Variants in MAGI2 observed in about 807,000 individuals in gnomAD.
MAGI2 encodes the protein membrane associated guanylate kinase, WW and PDZ domain containing 2.
In MAGI2, 35 loss-of-function variants were observed where a neutral mutation model predicts 133.3. The observed-to-expected ratio is 0.26, with a 90% CI of 0.20 to 0.35. The LOEUF is 0.35. Among genes scored for constraint, MAGI2 ranks in the 10% least tolerant of loss-of-function variants. The pLI is 1.00. For synonymous variants in MAGI2, 729 were observed against 710.6 expected, an observed-to-expected ratio of 1.03 and a Z score of -0.41; for missense variants, 1,636 against 1,863.4, an observed-to-expected ratio of 0.88 and a Z score of 2.25.
At chr7:79,199,441 T>C (rs918281693) in intron 1 of MAGI2, among the ~76,000 whole-genome samples, 8 of 152,026 alleles carry the variant, frequency 5.3e-5, no homozygotes, top group African/African-American at 1.9e-4. Flanking sequence ...GTAGTTCTTT[T>C]AGCATCCCTA....
intron 1 of MAGI2, among the ~76,000 whole-genome samples, chr7:79,384,466 C>G (rs988770208): frequency 6.6e-6 from 1 of 150,938 alleles, no homozygotes; most frequent in Non-Finnish European, 1.5e-5. Flanking sequence ...AGTCAAATAA[C>G]TTAGATCATT....
At chr7:78,519,040 GA>G (rs1472051065) in intron 4 of MAGI2, 2 of 151,324 alleles carry the variant, frequency 1.3e-5, no homozygotes, top group African/African-American at 2.4e-5. Flanking sequence ...ACCTGGCTAG[GA>G]ACATGTTTCT....
chr7:78,546,146 T>G (rs1226399185), intron 3 of MAGI2, among the ~76,000 whole-genome samples: 1 of 152,208 alleles, frequency 6.6e-6, no homozygotes, highest in Non-Finnish European at 1.5e-5. Flanking sequence ...ATTTTAATAA[T>G]TTTTGGCTTT....
intron 1 of MAGI2, among the ~76,000 whole-genome samples, chr7:79,212,344 A>T (rs1189820067): frequency 7.9e-5 from 12 of 152,026 alleles, no homozygotes. Flanking sequence ...TGCCAGCATG[A>T]TTTCAGGTAA....
intron 6 of MAGI2, among the ~76,000 whole-genome samples, chr7:78,401,867 G>C (rs80181213): frequency 0.01 from 1,577 of 152,172 alleles, 24 homozygotes; most frequent in African/African-American, 0.036. Context: ...TGAGTAAGCA[G>C]TTACAACATT....
chr7:78,308,392 T>G (rs1260564683), intron 9 of MAGI2, among the ~76,000 whole-genome samples: 1 of 152,244 alleles, frequency 6.6e-6, no homozygotes, highest in Non-Finnish European at 1.5e-5. Flanking sequence ...TATCCCCTTT[T>G]CTGTTCTATT....
At chr7:78,194,648 T>C (rs1828552674) in intron 12 of MAGI2, among the ~76,000 whole-genome samples, 1 of 151,894 alleles carries the variant, frequency 6.6e-6, no homozygotes, top group South Asian at 2.1e-4. Context: ...CTTCAGGAGA[T>C]TAGGGGAAGA....
intron 2 of MAGI2, among the ~76,000 whole-genome samples, chr7:78,835,897 C>T (rs1176964001): frequency 1.3e-5 from 2 of 152,228 alleles, no homozygotes; most frequent in Non-Finnish European, 2.9e-5. Context: ...TTATGTTGGC[C>T]GTGGGTCAGC....
rs1045737401 is a variant in MAGI2, at chr7:78,080,873, A to G, written c.3568-1788T>C. 2.6e-5 allele frequency among the ~76,000 whole-genome samples: 4 copies of G among 152,260 alleles called. No individual in the cohort carries two copies. The South Asian group carries it at 6.2e-4, about 24-fold the overall frequency. ...CTCCTTGTTTTCTCAACTTCTCTGC[A>G]TCTGTCCCTGTCCTCATATGTATCC... On this transcript the variant is annotated intron_variant, in intron 20 of 21. Transcript: ENST00000354212.
At chr7:78,685,463 GTCGTTT>G (rs11278515) in intron 2 of MAGI2, among the ~76,000 whole-genome samples, 7,546 of 88,708 alleles carry the variant, frequency 0.085, 276 homozygotes, top group Non-Finnish European at 0.12. Context: ...ATTTGTCATT[GTCGTTT>G]TTTTTTTTTT....
intron 15 of MAGI2, among the ~76,000 whole-genome samples, chr7:78,162,294 G>A (rs1027217033): frequency 1.3e-5 from 2 of 151,598 alleles, no homozygotes; most frequent in African/African-American, 4.9e-5. Context: ...GGGAGGCTGA[G>A]GCGGGCGGAT....
At chr7:79,429,155 T>C (rs190788395) in intron 1 of MAGI2, among the ~76,000 whole-genome samples, 1 of 152,238 alleles carries the variant, frequency 6.6e-6, no homozygotes, top group East Asian at 1.9e-4. Context: ...TTATTAAAAG[T>C]AAAATATTCA....
At chr7:78,927,805 G>T (rs1005308968) in intron 2 of MAGI2, among the ~76,000 whole-genome samples, 14 of 151,702 alleles carry the variant, frequency 9.2e-5, no homozygotes, top group African/African-American at 3.4e-4. Flanking sequence ...TGTCCAGAAA[G>T]GTCAAAACGT....
chr7:78,442,404 T>C (rs1001962126), intron 6 of MAGI2, among the ~76,000 whole-genome samples: 3 of 152,222 alleles, frequency 2.0e-5, no homozygotes, highest in African/African-American at 7.2e-5. Flanking sequence ...ACTTCTCTTA[T>C]TTCATTTTGG....
chr7:78,284,796 A>G (rs1010537056), intron 9 of MAGI2, among the ~76,000 whole-genome samples: 1 of 152,086 alleles, frequency 6.6e-6, no homozygotes, highest in East Asian at 1.9e-4. Flanking sequence ...AGGGACCTTG[A>G]TTATATGGTA....
chr7:78,662,011 A>G (rs1000767168), intron 2 of MAGI2, among the ~76,000 whole-genome samples: 2 of 152,206 alleles, frequency 1.3e-5, no homozygotes, highest in Admixed American at 6.5e-5. Context: ...GAAAATCCAC[A>G]TGAATAATCT....
chr7:78,367,127 A>ACACACACACACACACACACACACAC (rs1554369024), intron 7 of MAGI2, among the ~76,000 whole-genome samples: 3 of 151,814 alleles, frequency 2.0e-5, no homozygotes, highest in Non-Finnish European at 4.4e-5. Context: ...ACACACACAC[A>ACACACACACACACACACACACACAC]AATTTGAAGT....
intron 11 of MAGI2, among the ~76,000 whole-genome samples, chr7:78,196,141 T>C (rs1828710480): frequency 1.3e-5 from 2 of 152,102 alleles, no homozygotes; most frequent in Admixed American, 1.3e-4. Context: ...CTTTGCATAC[T>C]TCATTTCTCT....
In MAGI2 at chr7:78,307,305, T is replaced by C. The variant is rs190826186; in HGVS notation, c.1408+36473A>G. ...GTTAATTATTAGAACAATTAAAAAC[T>C]TGTTACTGACCTTTTGGCTAATGAA... On this transcript the variant is annotated intron_variant, in intron 9 of 21. Coordinates refer to ENST00000354212, the MANE Select transcript of MAGI2 (RefSeq NM_012301.4). Among the ~76,000 whole-genome samples the C allele has an allele frequency of 1.1e-4, 17 of 152,320 alleles. No homozygotes were observed. In the East Asian group the frequency reaches 3.3e-3, roughly 29 times the overall value.
Sources: gnomAD v4.1 joint callset for allele counts (sites outside exome capture counted in the v4.1 genomes callset) on GRCh38, gnomAD v4.1.1 for gene constraint, MANE v1.5 for transcripts, NCBI Gene and HGNC (gene_info 2026-07-23, HGNC 2026-07-21) for gene names.